NFIB: variants seen among roughly 807,000 people sequenced by gnomAD.
The protein encoded by NFIB is nuclear factor I B, also known as nuclear factor 1 B-type.
In NFIB, 11 loss-of-function variants were observed where a neutral mutation model predicts 61.5. The ratio of observed to expected loss-of-function variants is 0.18; its 90% CI spans 0.11 to 0.30. The LOEUF (loss-of-function observed/expected upper bound fraction) is 0.30, where lower values mean the gene tolerates loss of function less well. Among genes scored for constraint, NFIB ranks in the 10% least tolerant of loss-of-function variants. The pLI is 1.00. For missense variants in NFIB, 471 were observed against 608.9 expected (o/e 0.77, Z 2.38); for synonymous variants, 260 against 216.5 (o/e 1.20, Z -1.76).
intron 2 of NFIB, among the ~76,000 whole-genome samples, chr9:14,235,241 C>T (rs973835657): frequency 1.3e-5 from 2 of 152,254 alleles, no homozygotes; most frequent in Admixed American, 6.5e-5. Context: ...TTGATAAAGG[C>T]GATCTGATGT....
chr9:14,389,560 G>A (rs2061594863), intron 1 of NFIB, among the ~76,000 whole-genome samples: 1 of 152,126 alleles, frequency 6.6e-6, no homozygotes, highest in Non-Finnish European at 1.5e-5. Context: ...ACTTGGACCA[G>A]AATTTTGAAC....
chr9:14,391,461 A>C (rs969019451), intron 1 of NFIB, among the ~76,000 whole-genome samples: 6 of 61,448 alleles, frequency 9.8e-5, no homozygotes, highest in Non-Finnish European at 2.1e-4. Context: ...CAGTCTCCCA[A>C]TAGATAGGAA....
the NFIB span, among the ~76,000 whole-genome samples, chr9:14,492,465 C>T: frequency 9.2e-5 from 14 of 151,974 alleles, no homozygotes; most frequent in South Asian, 4.2e-4. Context: ...TTATACAGGA[C>T]GAATGATGCT....
At chr9:14,259,336 T>C (rs539197951) in intron 2 of NFIB, among the ~76,000 whole-genome samples, 47 of 152,344 alleles carry the variant, frequency 3.1e-4, no homozygotes, top group African/African-American at 1.1e-3. Context: ...AAGAGCTACC[T>C]GTAAATTTAG....
chr9:14,232,521 A>G (rs1178806600), intron 2 of NFIB, among the ~76,000 whole-genome samples: 1 of 152,246 alleles, frequency 6.6e-6, no homozygotes, highest in African/African-American at 2.4e-5. Flanking sequence ...AACAAAAGCC[A>G]TCAGATTTAC....
rs1563889461 is a variant in NFIB at position 14,196,445 on chromosome 9, G to C, written c.563-16665C>G. 2.0e-5 allele frequency among the ~76,000 whole-genome samples: 3 copies of C among 152,178 alleles called. No individual in the cohort carries two copies. The South Asian group carries it at 6.2e-4, about 32-fold the overall frequency. ...ATCTCAGCTTCTAGTTTGCGGAAGG[G>C]GGTTCCTGTTTAAGGGAGGGAATGC... On this transcript the variant is annotated intron_variant, in intron 2 of 10. Coordinates refer to ENST00000380953, the MANE Select transcript of NFIB (RefSeq NM_001190737.2).
the NFIB span, among the ~76,000 whole-genome samples, chr9:14,531,173 T>C: frequency 6.6e-6 from 1 of 152,180 alleles, no homozygotes; most frequent in East Asian, 1.9e-4. Context: ...AAGTTACAAC[T>C]TCTCTCTTCC....
At position 14,103,739 on chromosome 9, in the gene NFIB, G is replaced by T. The variant is rs1159726857; in HGVS notation, c.1467+9260C>A. 3.3e-5 allele frequency among the ~76,000 whole-genome samples: 5 copies of T among 151,896 alleles called. No individual in the cohort carries two copies. The East Asian group carries it at 9.7e-4, about 29-fold the overall frequency. On this transcript the variant is annotated intron_variant, in intron 10 of 10. Transcript: ENST00000380953. ...ACTAGCTAAAATTTCCAAACCACGT[G>T]TTTTAGTTATTTGCATATTTCAGGA...
At chr9:14,176,980 T>C (rs972528673) in intron 3 of NFIB, among the ~76,000 whole-genome samples, 4 of 152,178 alleles carry the variant, frequency 2.6e-5, no homozygotes, top group Admixed American at 1.3e-4. Context: ...GAATAGACGG[T>C]AGCAATTTCC....
chr9:14,460,156 G>C, the NFIB span, among the ~76,000 whole-genome samples: 2 of 152,086 alleles, frequency 1.3e-5, no homozygotes, highest in African/African-American at 4.8e-5. Context: ...AAGAAAATGT[G>C]GCACATATAC....
chr9:14,132,604 A>G (rs1412750011), intron 6 of NFIB, among the ~76,000 whole-genome samples: 1 of 151,926 alleles, frequency 6.6e-6, no homozygotes, highest in Non-Finnish European at 1.5e-5. Context: ...ACAAGGTCTC[A>G]CTCTGTTGCC....
At chr9:14,250,349 G>C (rs2055453007) in intron 2 of NFIB, among the ~76,000 whole-genome samples, 1 of 152,144 alleles carries the variant, frequency 6.6e-6, no homozygotes, top group African/African-American at 2.4e-5. Flanking sequence ...TTAAACATGA[G>C]AGAGAAATTG....
intron 10 of NFIB, among the ~76,000 whole-genome samples, chr9:14,092,053 T>C (rs1212893894): frequency 6.6e-6 from 1 of 152,150 alleles, no homozygotes; most frequent in Non-Finnish European, 1.5e-5. Flanking sequence ...TTAAGATGCA[T>C]TACTGGTGAT....
chr9:14,195,791 C>T (rs1474751577), intron 2 of NFIB, among the ~76,000 whole-genome samples: 1 of 151,986 alleles, frequency 6.6e-6, no homozygotes, highest in African/African-American at 2.4e-5. Context: ...GTATGTATGT[C>T]ACACCATGAA....
intron 2 of NFIB, among the ~76,000 whole-genome samples, chr9:14,200,067 C>A (rs1159243279): frequency 6.6e-6 from 1 of 152,098 alleles, no homozygotes; most frequent in African/African-American, 2.4e-5. Flanking sequence ...CATAATTTTG[C>A]CCCTAGGTCT....
chr9:14,101,889 A>C (rs2035835978), intron 10 of NFIB, among the ~76,000 whole-genome samples: 1 of 152,224 alleles, frequency 6.6e-6, no homozygotes, highest in Admixed American at 6.5e-5. Context: ...TACTGATTCC[A>C]ACAATCTTCC....
chr9:14,397,802 A>G (rs1432299102), intron 1 of NFIB, among the ~76,000 whole-genome samples: 1 of 152,222 alleles, frequency 6.6e-6, no homozygotes, highest in East Asian at 1.9e-4. Context: ...GGAAGAAATA[A>G]TATTCCATTC....
At chr9:14,202,742 C>T (rs1176575128) in intron 2 of NFIB, among the ~76,000 whole-genome samples, 1 of 152,068 alleles carries the variant, frequency 6.6e-6, no homozygotes, top group Non-Finnish European at 1.5e-5. Flanking sequence ...GTAAGCAAAT[C>T]TATGCAAAGA....
At chr9:14,355,062 G>C (rs1203437576) in intron 1 of NFIB, among the ~76,000 whole-genome samples, 2 of 152,158 alleles carry the variant, frequency 1.3e-5, no homozygotes, top group African/African-American at 4.8e-5. Context: ...GAGCATGTTT[G>C]GGTTGGAGTA....
Sources: allele counts gnomAD v4.1 joint callset (sites outside exome capture counted in the v4.1 genomes callset), GRCh38; gene constraint gnomAD v4.1.1; transcripts MANE v1.5; gene names NCBI Gene and HGNC (gene_info 2026-07-23, HGNC 2026-07-21).